WDR41: variants seen among roughly 807,000 people sequenced by gnomAD.
WDR41 encodes the protein WD repeat-containing protein 41.
WDR41 carries 63 observed loss-of-function variants against 69.3 expected under a neutral mutation model. The ratio of observed to expected loss-of-function variants is 0.91; its 90% CI spans 0.74 to 1.12. The LOEUF is 1.12. Ranked by LOEUF, WDR41 falls within the 50% of genes most tolerant of loss-of-function variation. The pLI, the probability that WDR41 is intolerant of heterozygous loss-of-function variation, is 0.00. For synonymous variants in WDR41, 185 were observed against 192.1 expected (o/e 0.96, Z 0.31); for missense variants, 543 against 534.5 (o/e 1.02, Z -0.16).
At chr5:77,529,956 C>CT (rs1227135275) in intron 1 of WDR41, among the ~76,000 whole-genome samples, 1 of 151,546 alleles carries the variant, frequency 6.6e-6, no homozygotes. Flanking sequence ...TTGGAAAACA[C>CT]TAACCATAGA....
At chr5:77,486,975 G>A (rs1801553798) in intron 2 of WDR41, among the ~76,000 whole-genome samples, 1 of 152,206 alleles carries the variant, frequency 6.6e-6, no homozygotes. Context: ...TAAAGTATAT[G>A]TGAGCACCAC....
At chr5:77,552,005 TA>T (rs1215338047) in intron 1 of WDR41, among the ~76,000 whole-genome samples, 9 of 58,360 alleles carry the variant, frequency 1.5e-4, no homozygotes, top group African/African-American at 6.6e-4. Flanking sequence ...TAAAATAAAA[TA>T]AAATAAAATA....
At chr5:77,528,345 G>A (rs1802478703) in intron 1 of WDR41, among the ~76,000 whole-genome samples, 1 of 151,596 alleles carries the variant, frequency 6.6e-6, no homozygotes, top group Admixed American at 6.6e-5. Flanking sequence ...TTACCAAAAT[G>A]ACACAAGAAG....
intron 1 of WDR41, among the ~76,000 whole-genome samples, chr5:77,523,365 A>AT: frequency 6.6e-6 from 1 of 152,006 alleles, no homozygotes; most frequent in Admixed American, 6.6e-5. Flanking sequence ...CTCCTTAATA[A>AT]TTTTTATATT....
intron 2 of WDR41, among the ~76,000 whole-genome samples, chr5:77,475,177 G>C (rs570650220): frequency 1.3e-4 from 20 of 152,202 alleles, no homozygotes; most frequent in Non-Finnish European, 2.4e-4. Flanking sequence ...CGCCCACAGA[G>C]TCTCGCTAAT....
intron 1 of WDR41, among the ~76,000 whole-genome samples, chr5:77,569,862 ACCATTGAC>A (rs1190228193): frequency 6.6e-6 from 1 of 152,180 alleles, no homozygotes; most frequent in Non-Finnish European, 1.5e-5. Flanking sequence ...GAAACCTCTC[ACCATTGAC>A]TGGGGTGAAT....
At chr5:77,544,979 C>T (rs1040453606) in intron 1 of WDR41, among the ~76,000 whole-genome samples, 3 of 151,980 alleles carry the variant, frequency 2.0e-5, no homozygotes, top group African/African-American at 2.4e-5. Context: ...CTCTCTCAGA[C>T]CACAGTGGAA....
chr5:77,548,744 G>C (rs952517107), intron 1 of WDR41, among the ~76,000 whole-genome samples: 3 of 152,156 alleles, frequency 2.0e-5, no homozygotes, highest in Admixed American at 2.0e-4. Flanking sequence ...ACTAAAAGTA[G>C]AACTACCATT....
chr5:77,570,713 C>T (rs1237956548), intron 1 of WDR41, among the ~76,000 whole-genome samples: 2 of 151,528 alleles, frequency 1.3e-5, no homozygotes, highest in African/African-American at 4.8e-5. Flanking sequence ...TTTAGATAGA[C>T]AGTTAGTTAA....
At chr5:77,505,651 A>G (rs1346985518) in intron 1 of WDR41, among the ~76,000 whole-genome samples, 1 of 152,236 alleles carries the variant, frequency 6.6e-6, no homozygotes, top group Non-Finnish European at 1.5e-5. Flanking sequence ...ACAAGGCTAC[A>G]GTAACCAAAA....
rs188783456 is a variant in WDR41, at chr5:77,610,166, C to A, written c.42+10313G>T. Among the ~76,000 whole-genome samples, 898 of 152,126 alleles carry A rather than the reference C, an allele frequency of 5.9e-3. 8 individuals are homozygous for A. The highest frequency in any genetic ancestry group is 0.02 in the African/African-American group (850 of 41,500). On this transcript the variant is annotated intron_variant, in intron 1 of 5. Transcript: ENST00000509971. ...GAAATATGGGACTATGTGAAAAGAC[C>A]AAATCTATGTCTGATTGCTGTACCT...
At chr5:77,512,356 GTGTGT>G (rs1306828397) in intron 1 of WDR41, among the ~76,000 whole-genome samples, 1 of 39,334 alleles carries the variant, frequency 2.5e-5, no homozygotes, top group Non-Finnish European at 6.5e-5. Flanking sequence ...GAGAGAGTGA[GTGTGT>G]GTGTGTGTGT....
intron 1 of WDR41, among the ~76,000 whole-genome samples, chr5:77,604,391 A>G (rs968435640): frequency 1.7e-4 from 26 of 152,316 alleles, no homozygotes; most frequent in Admixed American, 1.6e-3. Context: ...CTGGTGCTTT[A>G]CATGCTCAGA....
At chr5:77,565,034 C>G (rs754548415) in intron 1 of WDR41, among the ~76,000 whole-genome samples, 1 of 152,000 alleles carries the variant, frequency 6.6e-6, no homozygotes, top group Non-Finnish European at 1.5e-5. Context: ...TGACCTCAAG[C>G]CTGGAATGAG....
chr5:77,571,670 T>A (rs1426662346), intron 1 of WDR41, among the ~76,000 whole-genome samples: 1 of 152,132 alleles, frequency 6.6e-6, no homozygotes, highest in East Asian at 1.9e-4. Flanking sequence ...GGCTGGATTC[T>A]TAGCTCACAG....
At chr5:77,594,291 G>A (rs955738621) in intron 1 of WDR41, among the ~76,000 whole-genome samples, 6 of 150,694 alleles carry the variant, frequency 4.0e-5, no homozygotes, top group East Asian at 2.0e-4. Flanking sequence ...GGGAGGGATA[G>A]CATTAGGAGA....
chr5:77,479,760 T>C (rs531754570), intron 2 of WDR41, among the ~76,000 whole-genome samples: 1 of 152,264 alleles, frequency 6.6e-6, no homozygotes, highest in South Asian at 2.1e-4. Context: ...GACATAGGCA[T>C]GGGCAAGGAC....
chr5:77,433,669 A>G (rs1399877689), intron 12 of WDR41, among the ~76,000 whole-genome samples: 1 of 152,222 alleles, frequency 6.6e-6, no homozygotes, highest in Non-Finnish European at 1.5e-5. Flanking sequence ...AGCTCTCTAT[A>G]AAAGTAGATA....
chr5:77,511,957 C>A (rs939531015), intron 1 of WDR41, among the ~76,000 whole-genome samples: 2 of 152,046 alleles, frequency 1.3e-5, no homozygotes, highest in Admixed American at 1.3e-4. Flanking sequence ...TACTTTACCA[C>A]CTATTCCACT....
Sources: allele counts gnomAD v4.1 joint callset (sites outside exome capture counted in the v4.1 genomes callset), GRCh38; gene constraint gnomAD v4.1.1; transcripts MANE v1.5; gene names NCBI Gene and HGNC (gene_info 2026-07-23, HGNC 2026-07-21).